MCPH1: variants seen among roughly 807,000 people sequenced by gnomAD.
MCPH1 encodes microcephalin 1.
Under a neutral mutation model 84.5 loss-of-function variants are expected in MCPH1, and 104 were observed. The observed-to-expected ratio is 1.23, with a 90% CI of 1.05 to 1.45. The LOEUF is 1.45. Among genes scored for constraint, MCPH1 ranks in the 40% most tolerant of loss-of-function variants. The probability of loss-of-function intolerance (pLI) is 0.00; values close to 1 mark genes in which losing one functional copy is unlikely to be tolerated. For missense variants in MCPH1, 1,498 were observed against 1,005.7 expected (o/e 1.49, Z -6.62); for synonymous variants, 514 against 366.8 (o/e 1.40, Z -4.58).
chr8:6,580,190 A>T (rs146057641), intron 12 of MCPH1, among the ~76,000 whole-genome samples: 49 of 152,298 alleles, frequency 3.2e-4, no homozygotes, highest in African/African-American at 1.2e-3. Context: ...GTCTGAGCAT[A>T]TGACGGCCTC....
chr8:6,520,447 G>C (rs1440453329), intron 12 of MCPH1, among the ~76,000 whole-genome samples: 1 of 152,006 alleles, frequency 6.6e-6, no homozygotes, highest in Non-Finnish European at 1.5e-5. Context: ...GACATAGTGG[G>C]GTGCAGTGAC....
At chr8:6,529,553 G>A (rs1563353098) in intron 12 of MCPH1, among the ~76,000 whole-genome samples, 2 of 150,094 alleles carry the variant, frequency 1.3e-5, no homozygotes, top group South Asian at 2.1e-4. Flanking sequence ...CCAGGCTTAA[G>A]CACTTCTTGT....
rs192318457 is a variant in MCPH1, at chr8:6,488,891, G to T, written c.2136+8015G>T. ...GACTGCGGCTGTGTCTAGAGGGGGG[G>T]TTGATAGGTGGAGAGGAGAGAGCAG... On this transcript the variant is annotated intron_variant, in intron 11 of 13. Transcript: ENST00000344683. Among the ~76,000 whole-genome samples, 1,070 of 152,210 alleles carry T rather than the reference G, an allele frequency of 7.0e-3. 7 individuals are homozygous for T. The highest frequency in any genetic ancestry group is 0.048 in the Middle Eastern group (14 of 294).
chr8:6,413,367 A>C (rs1412396074), intron 2 of MCPH1, among the ~76,000 whole-genome samples: 1 of 150,800 alleles, frequency 6.6e-6, no homozygotes, highest in Non-Finnish European at 1.5e-5. Context: ...TTCTGTGATA[A>C]GCTTGGTGTA....
intron 12 of MCPH1, chr8:6,508,809 G>T (rs1044786263): frequency 1.5e-6 from 2 of 1,325,462 alleles, no homozygotes; most frequent in African/African-American, 1.5e-5. Context: ...TCAAGCTAGT[G>T]TGTCTACGTA....
intron 12 of MCPH1, among the ~76,000 whole-genome samples, chr8:6,506,937 G>A (rs904202635): frequency 1.1e-4 from 16 of 150,868 alleles, no homozygotes; most frequent in East Asian, 1.9e-4. Flanking sequence ...CACTCTTGTC[G>A]TCCAGGCTGG....
intron 3 of MCPH1, among the ~76,000 whole-genome samples, chr8:6,416,559 C>A (rs551459036): frequency 6.6e-6 from 1 of 152,272 alleles, no homozygotes; most frequent in Admixed American, 6.5e-5. Flanking sequence ...TGTTTTTCTG[C>A]ATGACTGATC....
At chr8:6,631,980 A>G (rs1797194998) in intron 13 of MCPH1, among the ~76,000 whole-genome samples, 1 of 152,254 alleles carries the variant, frequency 6.6e-6, no homozygotes, top group African/African-American at 2.4e-5. Flanking sequence ...GTCTATCCAT[A>G]CAGTGGAATA....
chr8:6,611,942 T>G (rs1216680541), intron 12 of MCPH1, among the ~76,000 whole-genome samples: 9 of 152,116 alleles, frequency 5.9e-5, no homozygotes, highest in Admixed American at 5.9e-4. Flanking sequence ...TTAAGGAGCT[T>G]CATTACATAG....
chr8:6,423,185 CTTTTCTTTTTTT>C (rs1272592805), intron 3 of MCPH1, among the ~76,000 whole-genome samples: 1,501 of 110,796 alleles, frequency 0.014, 85 homozygotes, highest in African/African-American at 0.045. Flanking sequence ...TTTTTCTTTT[CTTTTCTTTTTTT>C]TTTTTTTTTT....
chr8:6,472,191 A>C (rs73518763), intron 9 of MCPH1, among the ~76,000 whole-genome samples: 2,498 of 152,336 alleles, frequency 0.016, 72 homozygotes, highest in African/African-American at 0.058. Flanking sequence ...GACATAATAT[A>C]CAATGAATAT....
chr8:6,533,597 A>T (rs1819948494), intron 12 of MCPH1, among the ~76,000 whole-genome samples: 1 of 140,188 alleles, frequency 7.1e-6, no homozygotes, highest in East Asian at 2.1e-4. Context: ...TTTTTTAAAT[A>T]ATCTAATGAT....
chr8:6,478,898 A>G (rs1208302115), intron 10 of MCPH1, among the ~76,000 whole-genome samples: 1 of 152,200 alleles, frequency 6.6e-6, no homozygotes, highest in Non-Finnish European at 1.5e-5. Context: ...TAAAAGCATG[A>G]TATAATTCAG....
chr8:6,464,304 C>T (rs879637447), intron 9 of MCPH1, among the ~76,000 whole-genome samples: 12 of 152,154 alleles, frequency 7.9e-5, no homozygotes, highest in Admixed American at 1.3e-4. Flanking sequence ...GGTCCATCAG[C>T]AGATGTTGCT....
intron 11 of MCPH1, among the ~76,000 whole-genome samples, chr8:6,487,851 T>C (rs1420477718): frequency 6.6e-6 from 1 of 152,232 alleles, no homozygotes; most frequent in Non-Finnish European, 1.5e-5. Context: ...AGAACATTTT[T>C]GCAGCCGAGA....
chr8:6,413,383 G>A (rs936105805), intron 2 of MCPH1, among the ~76,000 whole-genome samples: 1 of 149,686 alleles, frequency 6.7e-6, no homozygotes, highest in Non-Finnish European at 1.5e-5. Context: ...GTGTAGTGCT[G>A]TTTTCGTTCT....
At chr8:6,574,809 A>C (rs1349686085) in intron 12 of MCPH1, among the ~76,000 whole-genome samples, 3 of 152,210 alleles carry the variant, frequency 2.0e-5, no homozygotes, top group Non-Finnish European at 4.4e-5. Flanking sequence ...AGTGTCTGAC[A>C]AAGTCCATCC....
At chr8:6,429,798 T>A (rs1801578348) in intron 3 of MCPH1, among the ~76,000 whole-genome samples, 1 of 152,046 alleles carries the variant, frequency 6.6e-6, no homozygotes, top group African/African-American at 2.4e-5. Context: ...CTGCCACAGT[T>A]ATTGCAGTAT....
chr8:6,414,200 G>T (rs972466485), intron 2 of MCPH1, among the ~76,000 whole-genome samples: 3 of 152,168 alleles, frequency 2.0e-5, no homozygotes, highest in African/African-American at 7.2e-5. Context: ...TAGAGACAAG[G>T]TTTCACCAGG....
Sources: allele counts gnomAD v4.1 joint callset (sites outside exome capture counted in the v4.1 genomes callset), GRCh38; gene constraint gnomAD v4.1.1; transcripts MANE v1.5; gene names NCBI Gene and HGNC (gene_info 2026-07-23, HGNC 2026-07-21).